The following CSTF1 variants were observed in gnomAD, a reference collection of about 807,000 sequenced individuals.
CSTF1 encodes the protein cleavage stimulation factor subunit 1.
A neutral mutation model predicts 40.9 loss-of-function variants in CSTF1; 2 were observed. That is an observed-to-expected ratio of 0.05 (90% confidence interval 0.02 to 0.15). The LOEUF (loss-of-function observed/expected upper bound fraction) is 0.15, where lower values mean the gene tolerates loss of function less well. Ranked by LOEUF, CSTF1 falls within the 10% of genes least tolerant of loss-of-function variation. CSTF1 has a pLI of 1.00. For missense variants in CSTF1, 279 were observed against 558.9 expected, an observed-to-expected ratio of 0.50 and a Z score of 5.05; for synonymous variants, 218 against 207.2, an observed-to-expected ratio of 1.05 and a Z score of -0.45.
intron 5 of CSTF1, among the ~76,000 whole-genome samples, chr20:56,402,773 A>G (rs1303000535): frequency 6.6e-6 from 1 of 151,464 alleles, no homozygotes; most frequent in Non-Finnish European, 1.5e-5. Flanking sequence ...TGTCTTTACT[A>G]AAAATACAAA....
rs76188691 is a variant in CSTF1, at chr20:56,399,781, G to A, written c.1036+424G>A. On this transcript the variant is annotated intron_variant, in intron 5 of 5. Transcript: ENST00000217109. This position sits in a 1 kb window ranked among gnomAD's most constrained non-coding sequence, Gnocchi z 4.6. Reference sequence around the variant, plus strand: ...AAGATCTTATCCCATTCCTAAGAGAGCAGACCTAGCCCGCAAAGGAAACCA... The same window carrying A: ...AAGATCTTATCCCATTCCTAAGAGAACAGACCTAGCCCGCAAAGGAAACCA... Among the ~76,000 whole-genome samples, 566 of 152,304 alleles carry A rather than the reference G, an allele frequency of 3.7e-3. 5 individuals carry two copies. Among genetic ancestry groups the A allele is most frequent in the African/African-American group, 0.013 (534 of 41,558 alleles).
Position 56,397,060 on chromosome 20 carries a change from T to G in CSTF1, c.170-147T>G, listed in dbSNP as rs1369307935. 2.5e-6 allele frequency: 2 copies of G among 814,826 alleles called. No individual in the cohort carries two copies. Among genetic ancestry groups the G allele is most frequent in the South Asian group, 3.6e-5 (2 of 55,348 alleles). 50.5% of individuals were successfully genotyped at this position (814,826 alleles called of 1,614,324 possible). A position where few individuals can be genotyped will look rare whatever the true frequency, so the allele number is the denominator to read the frequency against. On this transcript the variant is annotated intron_variant, in intron 2 of 5. Coordinates refer to ENST00000217109, the MANE Select transcript of CSTF1 (RefSeq NM_001324.3). This position sits in a 1 kb window ranked among gnomAD's most constrained non-coding sequence, Gnocchi z 4.4. ...GAATAGCATGGGCAAAATACACAGT[T>G]TTGTAAAGTGTTAGGTGTCACGCGG...
intron 2 of CSTF1, among the ~76,000 whole-genome samples, chr20:56,396,279 A>G (rs945601503): frequency 7.2e-5 from 11 of 152,188 alleles, no homozygotes; most frequent in African/African-American, 2.7e-4. Context: ...AATAGAAAGC[A>G]CTCAATAAAA....
chr20:56,397,271 C>G lies in CSTF1; in HGVS notation c.234C>G (p.Gly78=), dbSNP rs746626029. The change falls in exon 3 of 6, where the codon GGC becomes GGG. Residue 78 remains glycine, a synonymous_variant. Coordinates refer to ENST00000217109, the MANE Select transcript of CSTF1 (RefSeq NM_001324.3). This position sits in a 1 kb window ranked among gnomAD's most constrained non-coding sequence, Gnocchi z 4.4. ...AIGRSDTVAP[G]TGIDLEFDAD... ...GTCGTTCAGATACTGTTGCCCCTGG[C>G]ACAGGGATTGACCTGGAATTTGATG... The G allele has an allele frequency of 4.8e-5, 78 of 1,614,078 alleles. No homozygotes were observed. Among genetic ancestry groups the G allele is most frequent in the Admixed American group, 8.3e-5 (5 of 60,012 alleles).
intron 4 of CSTF1, among the ~76,000 whole-genome samples, chr20:56,398,277 A>T (rs1390287799): frequency 6.6e-6 from 1 of 152,220 alleles, no homozygotes; most frequent in Non-Finnish European, 1.5e-5. Flanking sequence ...TCTGTTTGAT[A>T]ATTAAACTAG....
Position 56,399,179 on chromosome 20 carries a change from C to T in CSTF1, c.858C>T (p.Ile286=). The T allele has an allele frequency of 6.2e-7, 1 of 1,614,218 alleles. No homozygotes were observed. Among genetic ancestry groups the T allele is most frequent in the South Asian group, 1.1e-5 (1 of 91,086 alleles). Residue 286 remains isoleucine, a synonymous_variant, in exon 5 of 6, where the codon ATC becomes ATT. Coordinates refer to ENST00000217109, the MANE Select transcript of CSTF1 (RefSeq NM_001324.3). This position sits in a 1 kb window ranked among gnomAD's most constrained non-coding sequence, Gnocchi z 4.6. The stretch of plus-strand genomic sequence containing the variant: ...TAACTGGAAGCAAGGACGGCTGCAT[C>T]AAATTATGGGATGGTGTTTCAAATC... The part of the protein sequence containing the change: ...MYVTGSKDGC[I]KLWDGVSNRC...
Position 56,404,179 on chromosome 20 carries a change from T to C in CSTF1, c.*452T>C. The C allele has an allele frequency of 6.5e-6, 1 of 154,948 alleles. No homozygotes were observed. Among genetic ancestry groups the C allele is most frequent in the Non-Finnish European group, 1.4e-5 (1 of 69,724 alleles). 9.6% of individuals were successfully genotyped at this position (154,948 alleles called of 1,614,324 possible). On this transcript the variant is annotated 3_prime_UTR_variant, in exon 6 of 6. Transcript: ENST00000217109. ...CTGAGACTCCTGAGTTTTATGCCATTATCAAAAGCATTTTCAAGAATCCCT... is the reference window on the plus strand; with the variant it reads ...CTGAGACTCCTGAGTTTTATGCCATCATCAAAAGCATTTTCAAGAATCCCT...
chr20:56,395,247 A>G (rs1987483064), intron 1 of CSTF1, among the ~76,000 whole-genome samples: 1 of 152,226 alleles, frequency 6.6e-6, no homozygotes, highest in Non-Finnish European at 1.5e-5. Flanking sequence ...TTGGTGAGAG[A>G]TTGTACCGTA....
At position 56,403,673 on chromosome 20, in the gene CSTF1, G is replaced by A. The variant is rs748667806; in HGVS notation, c.1242G>A (p.Thr414=). ...VHSPTNPGFM[T]CSDDFRARFW... ...CCCCCACCAACCCCGGGTTCATGAC[G>A]TGCAGCGATGACTTCAGAGCGCGGT... The change falls in exon 6 of 6, where the codon ACG becomes ACA. Residue 414 remains threonine, a synonymous_variant. Coordinates refer to ENST00000217109, the MANE Select transcript of CSTF1 (RefSeq NM_001324.3). The A allele has an allele frequency of 2.2e-5, 36 of 1,614,062 alleles. No individual in the cohort carries two copies. Among genetic ancestry groups the A allele is most frequent in the South Asian group, 1.3e-4 (12 of 91,082 alleles).
rs921590280 is a variant in CSTF1 at position 56,404,332 on chromosome 20, T to C, written c.*605T>C. On this transcript the variant is annotated 3_prime_UTR_variant, in exon 6 of 6. Transcript: ENST00000217109. ...TGACAATTTATAGGAACAGTATCTTTCAACATACTCCCTACATTATCCTTC... is the reference window on the plus strand; with the variant it reads ...TGACAATTTATAGGAACAGTATCTTCCAACATACTCCCTACATTATCCTTC... 3.3e-5 allele frequency: 5 copies of C among 152,362 alleles called. No homozygotes were observed. The highest frequency in any genetic ancestry group is 1.2e-4 in the African/African-American group (5 of 41,472). 9.4% of individuals were successfully genotyped at this position (152,362 alleles called of 1,614,324 possible).
intron 5 of CSTF1, among the ~76,000 whole-genome samples, chr20:56,400,665 C>A (rs892015185): frequency 2.0e-5 from 3 of 152,264 alleles, no homozygotes; most frequent in Middle Eastern, 3.4e-3. Context: ...GCACAGATTC[C>A]CCTTTTCCTT....
chr20:56,397,849 T>C lies in CSTF1; in HGVS notation c.645+8T>C. Reference sequence around the variant, plus strand: ...GCCTTCAAATACATTCAGGTAGGAATCTTTAGAAAGGAGCTTTACATTTTT... The same window carrying C: ...GCCTTCAAATACATTCAGGTAGGAACCTTTAGAAAGGAGCTTTACATTTTT... On this transcript the variant is annotated splice_region_variant and intron_variant, in intron 4 of 5. Transcript: ENST00000217109. This position sits in a 1 kb window ranked among gnomAD's most constrained non-coding sequence, Gnocchi z 4.4. 1 of 1,596,770 alleles carries C rather than the reference T, an allele frequency of 6.3e-7. No homozygotes were observed. The highest frequency in any genetic ancestry group is 8.6e-7 in the Non-Finnish European group (1 of 1,166,572).
chr20:56,395,455 G>T, intron 1 of CSTF1, 66 bp from the exon 2 acceptor site: 1 of 1,016,376 alleles, frequency 9.8e-7, no homozygotes. Flanking sequence ...TGACCAAAGA[G>T]TCCTATGTTG....
upstream of CSTF1, chr20:56,392,417 G>C (rs913616347): frequency 2.0e-5 from 3 of 152,332 alleles, no homozygotes; most frequent in African/African-American, 7.2e-5. Context: ...ACCTGTGGCA[G>C]TCCCAGCCCC....
At chr20:56,402,739 A>T (rs1978513223) in intron 5 of CSTF1, among the ~76,000 whole-genome samples, 1 of 152,186 alleles carries the variant, frequency 6.6e-6, no homozygotes, top group African/African-American at 2.4e-5. Context: ...GATAAAGACC[A>T]TCCTGGCCAA....
intron 4 of CSTF1, 22 bp from the exon 5 acceptor site, chr20:56,398,945 A>G (rs1326147811): frequency 6.4e-7 from 1 of 1,570,138 alleles, no homozygotes; most frequent in East Asian, 2.3e-5. Flanking sequence ...GGTCACTTGT[A>G]TTAATGTCTC....
intron 5 of CSTF1, 138 bp from the exon 6 acceptor site, chr20:56,403,330 G>T: frequency 3.8e-6 from 4 of 1,041,738 alleles, no homozygotes; most frequent in African/African-American, 3.2e-5. Context: ...TTTCTTTTTT[G>T]TACTTTTTTA....
intron 5 of CSTF1, among the ~76,000 whole-genome samples, chr20:56,402,739 A>G (rs1978513223): frequency 6.6e-6 from 1 of 152,186 alleles, no homozygotes; most frequent in Non-Finnish European, 1.5e-5. Flanking sequence ...GATAAAGACC[A>G]TCCTGGCCAA....
At position 56,403,803 on chromosome 20, in the gene CSTF1, G is replaced by A; in HGVS notation, c.*76G>A. The A allele has an allele frequency of 6.9e-7, 1 of 1,451,162 alleles. No individual in the cohort carries two copies. Among genetic ancestry groups the A allele is most frequent in the Non-Finnish European group, 9.4e-7 (1 of 1,060,472 alleles). The allele number at this position is 1,451,162 out of a possible 1,614,324, so 89.9% of individuals were successfully genotyped here. A position where few individuals can be genotyped will look rare whatever the true frequency, so the allele number is the denominator to read the frequency against. ...CGTCCTGTCTCAGCTGCAGTCGTAA[G>A]TCCGTGCACCATCCTTGACGTTTTG... On this transcript the variant is annotated 3_prime_UTR_variant, in exon 6 of 6. Transcript: ENST00000217109.
Sources: gnomAD v4.1 joint callset for allele counts (sites outside exome capture counted in the v4.1 genomes callset) on GRCh38, gnomAD v4.1.1 for gene constraint, Gnocchi (gnomAD v3.1) non-coding constraint, MANE v1.5 for transcripts, NCBI Gene and HGNC (gene_info 2026-07-23, HGNC 2026-07-21) for gene names.